The following PRR5L variants were observed in gnomAD, a reference collection of about 807,000 sequenced individuals.
PRR5L encodes proline rich 5 like.
In PRR5L, 21 loss-of-function variants were observed where a neutral mutation model predicts 36.4. That is an observed-to-expected ratio of 0.58 (90% CI 0.41 to 0.83). PRR5L has a LOEUF of 0.83. PRR5L is among the 40% of genes least tolerant of loss of function. The pLI, the probability that PRR5L is intolerant of heterozygous loss-of-function variation, is 0.00. For synonymous variants in PRR5L, 188 were observed against 197.0 expected, an observed-to-expected ratio of 0.95 and a Z score of 0.38; for missense variants, 381 against 473.3, an observed-to-expected ratio of 0.80 and a Z score of 1.81.
chr11:36,446,629 G>T (rs1201292925), intron 7 of PRR5L, among the ~76,000 whole-genome samples, 189 bp downstream of exon 7: 1 of 152,236 alleles, frequency 6.6e-6, no homozygotes, highest in African/African-American at 2.4e-5. Flanking sequence ...CTGAGCACCT[G>T]TTAGGTCCTG....
At chr11:36,307,918 T>G (rs1452085703) in intron 1 of PRR5L, among the ~76,000 whole-genome samples, 4 of 152,240 alleles carry the variant, frequency 2.6e-5, no homozygotes, top group African/African-American at 4.8e-5. Flanking sequence ...AAATTTTTCT[T>G]GAAATCTCTT....
rs9630171 is a variant in PRR5L at position 36,401,129 on chromosome 11, G to A, written c.8G>A (p.Arg3His). 2.8e-3 allele frequency: 4,571 copies of A among 1,614,078 alleles called. 126 individuals carry two copies. The African/African-American group carries it at 0.054, about 19-fold the overall frequency. Residue 3 changes from arginine to histidine, a missense_variant, in exon 2 of 9, where the codon CGC (arginine) becomes CAC (histidine). By Grantham distance (29) the Arg-to-His change is conservative (BLOSUM62 0). Transcript: ENST00000530639. MT[R>H]GFAPILPVEF... is the part of the protein sequence containing the mutation. ...GAACTGTCACCAGGACTTATGACCCGCGGCTTCGCTCCCATTCTGCCCGTC... is the reference window on the plus strand; with the variant it reads ...GAACTGTCACCAGGACTTATGACCCACGGCTTCGCTCCCATTCTGCCCGTC...
chr11:36,412,016 C>T (rs1279533442), intron 3 of PRR5L, among the ~76,000 whole-genome samples: 1 of 152,160 alleles, frequency 6.6e-6, no homozygotes, highest in Non-Finnish European at 1.5e-5. Flanking sequence ...TGAGGATTAA[C>T]CCATTTTACT....
At position 36,431,463 on chromosome 11, in the gene PRR5L, T is replaced by A. The variant is rs537222953; in HGVS notation, c.295-390T>A. ...AGAAGCCCTAAATTTATCTTTTTTT[T>A]TAAAAAAAAATATGTTATTTCTGCA... On this transcript the variant is annotated intron_variant, in intron 4 of 8. Transcript: ENST00000530639. Among the ~76,000 whole-genome samples the A allele has an allele frequency of 2.2e-3, 271 of 125,048 alleles. 1 individual carries two copies. The highest frequency in any genetic ancestry group is 6.4e-3 in the African/African-American group (254 of 39,460). The allele number at this position is 125,048 out of a possible 152,430, so 82.0% of individuals were successfully genotyped here.
At chr11:36,312,258 G>C (rs1207722315) in intron 1 of PRR5L, among the ~76,000 whole-genome samples, 1 of 152,160 alleles carries the variant, frequency 6.6e-6, no homozygotes, top group Non-Finnish European at 1.5e-5. Context: ...TTCTTGCTTT[G>C]TTCCTCAGAT....
At chr11:36,414,851 C>T (rs972359841) in intron 3 of PRR5L, among the ~76,000 whole-genome samples, 33 of 144,146 alleles carry the variant, frequency 2.3e-4, no homozygotes, top group African/African-American at 6.3e-4. Flanking sequence ...TTAGGTCTAA[C>T]GTTTAAGTCT....
At chr11:36,319,380 T>C (rs1490193243) in intron 1 of PRR5L, among the ~76,000 whole-genome samples, 1 of 152,228 alleles carries the variant, frequency 6.6e-6, no homozygotes, top group African/African-American at 2.4e-5. Flanking sequence ...GATTGGGTTT[T>C]AGAAATGTCA....
At chr11:36,387,789 G>C (rs1857485103) in intron 1 of PRR5L, among the ~76,000 whole-genome samples, 1 of 152,228 alleles carries the variant, frequency 6.6e-6, no homozygotes, top group East Asian at 1.9e-4. Context: ...GTCTGAGAAG[G>C]CTGGAGGCTG....
At chr11:36,310,794 T>G (rs925337492) in intron 1 of PRR5L, among the ~76,000 whole-genome samples, 2 of 151,896 alleles carry the variant, frequency 1.3e-5, no homozygotes, top group Non-Finnish European at 2.9e-5. Flanking sequence ...GTCAGAAGAT[T>G]GAGACCATCC....
intron 3 of PRR5L, among the ~76,000 whole-genome samples, chr11:36,415,914 G>A (rs1672083175): frequency 6.6e-6 from 1 of 152,166 alleles, no homozygotes; most frequent in Admixed American, 6.5e-5. Flanking sequence ...CAACAAATAT[G>A]TTAGTGTTGT....
chr11:36,434,236 G>T (rs1471915030), intron 5 of PRR5L, among the ~76,000 whole-genome samples: 1 of 152,168 alleles, frequency 6.6e-6, no homozygotes, highest in African/African-American at 2.4e-5. Context: ...GGGTGTTGGG[G>T]CCTGTTCTGT....
At chr11:36,350,623 T>C (rs1856919443) in intron 1 of PRR5L, among the ~76,000 whole-genome samples, 1 of 151,870 alleles carries the variant, frequency 6.6e-6, no homozygotes, top group African/African-American at 2.4e-5. Context: ...TTCTGAGATT[T>C]TGGTGCACCC....
rs190116062 is a variant in PRR5L, at chr11:36,320,282, C to T, written c.-126+23844C>T. ...TTTTTGAGATGGAGTCTCACTCTGT[C>T]GTCCAGGCTGGAGTGCAGTGGTGCG... is the stretch of plus-strand genomic sequence containing the variant. On this transcript the variant is annotated intron_variant, in intron 1 of 8. Coordinates refer to ENST00000530639, the MANE Select transcript of PRR5L (RefSeq NM_001160167.2). 7.0e-4 allele frequency among the ~76,000 whole-genome samples: 91 copies of T among 130,062 alleles called. 1 individual carries two copies. Among genetic ancestry groups the T allele is most frequent in the Middle Eastern group, 6.1e-3 (1 of 164 alleles). 85.3% of individuals were successfully genotyped at this position (130,062 alleles called of 152,430 possible).
chr11:36,375,716 T>C (rs993776644), intron 1 of PRR5L, among the ~76,000 whole-genome samples: 2 of 152,330 alleles, frequency 1.3e-5, no homozygotes, highest in East Asian at 3.9e-4. Flanking sequence ...CCAACAGTTT[T>C]CAAAATAATT....
chr11:36,329,233 C>T (rs942350555), intron 1 of PRR5L: 5 of 152,132 alleles, frequency 3.3e-5, no homozygotes, highest in South Asian at 2.1e-4. Flanking sequence ...TTGAGCATGG[C>T]ATGGAAGATG....
chr11:36,331,411 GA>G (rs1295847069), intron 1 of PRR5L, among the ~76,000 whole-genome samples: 1 of 152,108 alleles, frequency 6.6e-6, no homozygotes, highest in African/African-American at 2.4e-5. Context: ...AACACTTGAT[GA>G]AATAGAATCA....
chr11:36,366,730 A>G (rs916608169), intron 1 of PRR5L, among the ~76,000 whole-genome samples: 1 of 152,160 alleles, frequency 6.6e-6, no homozygotes, highest in Admixed American at 6.5e-5. Flanking sequence ...CTAGGACGCT[A>G]AATTAGTGGT....
At chr11:36,323,115 C>T (rs773310421) in intron 1 of PRR5L, among the ~76,000 whole-genome samples, 50 of 152,090 alleles carry the variant, frequency 3.3e-4, no homozygotes, top group Non-Finnish European at 6.5e-4. Flanking sequence ...TACTTTGTTG[C>T]AGAAGCCCCA....
At chr11:36,380,757 A>C (rs1857353915) in intron 1 of PRR5L, among the ~76,000 whole-genome samples, 1 of 152,190 alleles carries the variant, frequency 6.6e-6, no homozygotes, top group Non-Finnish European at 1.5e-5. Context: ...GAGATTTTAG[A>C]GGTTTTTATA....
Sources: gnomAD v4.1 joint callset for allele counts (sites outside exome capture counted in the v4.1 genomes callset) on GRCh38, gnomAD v4.1.1 for gene constraint, MANE v1.5 for transcripts, NCBI Gene and HGNC (gene_info 2026-07-23, HGNC 2026-07-21) for gene names.